Variants in PARD3B observed in about 807,000 individuals in gnomAD.
The protein encoded by PARD3B is par-3 family cell polarity regulator beta.
PARD3B carries 103 observed loss-of-function variants against 130.2 expected under a neutral mutation model. The ratio of observed to expected loss-of-function variants is 0.79; its 90% CI spans 0.67 to 0.93. The LOEUF (loss-of-function observed/expected upper bound fraction) is 0.93. PARD3B is among the 40% of genes least tolerant of loss of function. PARD3B has a pLI of 0.00. For synonymous variants in PARD3B, 583 were observed against 553.2 expected, an observed-to-expected ratio of 1.05 and a Z score of -0.76; for missense variants, 1,609 against 1,499.2, an observed-to-expected ratio of 1.07 and a Z score of -1.21.
In PARD3B at chr2:205,025,378, C is replaced by T. The variant is rs117404901; in HGVS notation, c.395-22203C>T. On this transcript the variant is annotated intron_variant, in intron 3 of 22. Coordinates refer to ENST00000406610, the MANE Select transcript of PARD3B (RefSeq NM_001302769.2). Reference sequence around the variant, plus strand: ...TCAGCCTTTCTCCTACAGATCTGACCGTGTGACACATGCACAGTGCCCTTT... The same window carrying T: ...TCAGCCTTTCTCCTACAGATCTGACTGTGTGACACATGCACAGTGCCCTTT... 3.8e-4 allele frequency among the ~76,000 whole-genome samples: 58 copies of T among 152,274 alleles called. 1 individual carries two copies. In the East Asian group the frequency reaches 6.8e-3, roughly 18 times the overall value.
chr2:204,632,131 C>T (rs1442432206), intron 1 of PARD3B, among the ~76,000 whole-genome samples: 1 of 152,094 alleles, frequency 6.6e-6, no homozygotes, highest in Non-Finnish European at 1.5e-5. Context: ...TCCTCGCAAT[C>T]ATGAGATGTC....
Position 204,675,868 on chromosome 2 carries a change from G to T in PARD3B, c.121-10313G>T, listed in dbSNP as rs2036510775. ...AGATACTGTAGAAACAAATTCCCTG[G>T]AATTGTTGGTGCTTTTATATTGCAA... On this transcript the variant is annotated intron_variant, in intron 1 of 22. Coordinates refer to ENST00000406610, the MANE Select transcript of PARD3B (RefSeq NM_001302769.2). This position sits in a 1 kb window ranked among gnomAD's most constrained non-coding sequence, Gnocchi z 4.4. Among the ~76,000 whole-genome samples, 1 of 152,110 alleles carries T rather than the reference G, an allele frequency of 6.6e-6. No individual in the cohort carries two copies. Among genetic ancestry groups the T allele is most frequent in the African/African-American group, 2.4e-5 (1 of 41,412 alleles).
Position 205,116,140 on chromosome 2 carries a change from A to G in PARD3B, c.680+2563A>G, listed in dbSNP as rs1174015110. ...CTTTCCCAGTAAAAACAAAGCAAAC[A>G]TAAAAAAAACACCAAAGTTCTTGCA... On this transcript the variant is annotated intron_variant, in intron 6 of 22. Coordinates refer to ENST00000406610, the MANE Select transcript of PARD3B (RefSeq NM_001302769.2). The surrounding 1 kb of genome is among the most constrained non-coding windows in gnomAD (Gnocchi z 4.5). Among the ~76,000 whole-genome samples the G allele has an allele frequency of 6.6e-6, 1 of 152,170 alleles. No homozygotes were observed. Among genetic ancestry groups the G allele is most frequent in the African/African-American group, 2.4e-5 (1 of 41,444 alleles).
Position 205,615,504 on chromosome 2 carries a change from G to A in PARD3B, c.3309G>A (p.Gly1103=), listed in dbSNP as rs372737843. 1.1e-5 allele frequency: 17 copies of A among 1,613,326 alleles called. No homozygotes were observed. In the African/African-American group the frequency reaches 1.1e-4, roughly 10 times the overall value. ...PVDYLPAAPR[G]LYKERELPYY... ...ACTATCTGCCAGCAGCACCTCGGGG[G>A]CTCTACAAGGAAAGGGAGCTTCCCT... The change falls in exon 23 of 23, where the codon GGG becomes GGA. Residue 1103 remains glycine (G), a synonymous_variant. Transcript: ENST00000406610.
chr2:205,560,435 A>T (rs1177642850), intron 22 of PARD3B, among the ~76,000 whole-genome samples: 3 of 150,348 alleles, frequency 2.0e-5, no homozygotes, highest in Non-Finnish European at 4.4e-5. Flanking sequence ...TAATTGCTAG[A>T]TGAACATTAA....
At chr2:205,212,948 C>G (rs1233652141) in intron 15 of PARD3B, among the ~76,000 whole-genome samples, 1 of 152,094 alleles carries the variant, frequency 6.6e-6, no homozygotes, top group Non-Finnish European at 1.5e-5. Context: ...ACAGCAATTC[C>G]ATCGCCATTT....
Position 205,300,340 on chromosome 2 carries a change from ACAGAGGCT to A in PARD3B, c.2186-184_2186-177del, listed in dbSNP as rs1296289841. Reference sequence around the variant, plus strand: ...TTTTATCACAGCTTTAGAAAAGGAAACAGAGGCTCAGAGAAGTCAAACCACTTGTTCAA... The same window carrying A: ...TTTTATCACAGCTTTAGAAAAGGAAACAGAGAAGTCAAACCACTTGTTCAA... On this transcript the variant is annotated intron_variant, in intron 16 of 22. Coordinates refer to ENST00000406610, the MANE Select transcript of PARD3B (RefSeq NM_001302769.2). This position sits in a 1 kb window ranked among gnomAD's most constrained non-coding sequence, Gnocchi z 4.1. Among the ~76,000 whole-genome samples the A allele has an allele frequency of 6.6e-6, 1 of 152,224 alleles. No individual in the cohort carries two copies. The highest frequency in any genetic ancestry group is 1.5e-5 in the Non-Finnish European group (1 of 68,044).
chr2:204,741,880 C>G (rs1293461529), intron 2 of PARD3B, among the ~76,000 whole-genome samples: 4 of 151,994 alleles, frequency 2.6e-5, no homozygotes, highest in Admixed American at 1.3e-4. Context: ...AAGGATTCAG[C>G]AAACCCCTGA....
At chr2:205,611,805 T>G (rs1166066120) in intron 22 of PARD3B, among the ~76,000 whole-genome samples, 1 of 152,210 alleles carries the variant, frequency 6.6e-6, no homozygotes, top group Non-Finnish European at 1.5e-5. Context: ...TTGAAAGTTT[T>G]TAAAGAAAAA....
chr2:205,464,848 A>G (rs1188136820), intron 20 of PARD3B, among the ~76,000 whole-genome samples: 2 of 152,036 alleles, frequency 1.3e-5, no homozygotes, highest in Admixed American at 6.6e-5. Context: ...AGTTAATCCT[A>G]TTTCCTCTTC....
chr2:205,431,469 A>G (rs181502579), intron 19 of PARD3B, among the ~76,000 whole-genome samples: 339 of 152,048 alleles, frequency 2.2e-3, no homozygotes, highest in Middle Eastern at 0.01. Context: ...AGTTTTCATT[A>G]TATCAATTTT....
In PARD3B at chr2:204,931,766, C is replaced by G. The variant is rs373782539; in HGVS notation, c.223-33386C>G. Among the ~76,000 whole-genome samples, 5 of 152,072 alleles carry G rather than the reference C, an allele frequency of 3.3e-5. No homozygotes were observed. In the East Asian group the frequency reaches 7.7e-4, roughly 23 times the overall value. ...TAAATCCTCTTTGGGCTACAAGTTA[C>G]TTTTACTTAAATCCAAACTAAGAGT... On this transcript the variant is annotated intron_variant, in intron 2 of 22. Coordinates refer to ENST00000406610, the MANE Select transcript of PARD3B (RefSeq NM_001302769.2).
At chr2:205,089,167 CT>C (rs370011164) in intron 4 of PARD3B, among the ~76,000 whole-genome samples, 1 of 120,102 alleles carries the variant, frequency 8.3e-6, no homozygotes, top group Non-Finnish European at 1.8e-5. Context: ...TTCTTTTTTT[CT>C]TTTTTTGTTT....
intron 2 of PARD3B, among the ~76,000 whole-genome samples, chr2:204,780,529 C>G (rs1042822592): frequency 2.6e-5 from 4 of 152,058 alleles, no homozygotes; most frequent in African/African-American, 9.7e-5. Flanking sequence ...CTGATTATAT[C>G]TTAAAAGGCT....
rs1236192307 is a variant in PARD3B at position 204,677,173 on chromosome 2, A to G, written c.121-9008A>G. 6.6e-6 allele frequency among the ~76,000 whole-genome samples: 1 copy of G among 152,148 alleles called. No homozygotes were observed. Among genetic ancestry groups the G allele is most frequent in the East Asian group, 1.9e-4 (1 of 5,184 alleles). On this transcript the variant is annotated intron_variant, in intron 1 of 22. Transcript: ENST00000406610. This position sits in a 1 kb window ranked among gnomAD's most constrained non-coding sequence, Gnocchi z 4.1. ...CTCATGTACTTATTTACGGAGGTCTAAGTGTTTAAGGTAAAACTTTTACAT... is the reference window on the plus strand; with the variant it reads ...CTCATGTACTTATTTACGGAGGTCTGAGTGTTTAAGGTAAAACTTTTACAT...
chr2:205,115,646 C>T (rs1055813368), intron 6 of PARD3B, among the ~76,000 whole-genome samples: 5 of 152,214 alleles, frequency 3.3e-5, no homozygotes, highest in Admixed American at 3.3e-4. Context: ...GAAGTGGAGA[C>T]ATGAGCCAAT....
intron 4 of PARD3B, among the ~76,000 whole-genome samples, chr2:205,097,830 C>CGTGT (rs71939970): frequency 1.1e-4 from 17 of 150,362 alleles, no homozygotes; most frequent in African/African-American, 3.7e-4. Context: ...AATCTAGTGG[C>CGTGT]GTGTGTGTGT....
intron 2 of PARD3B, among the ~76,000 whole-genome samples, chr2:204,794,082 T>C (rs2042287317): frequency 6.6e-6 from 1 of 152,174 alleles, no homozygotes; most frequent in Non-Finnish European, 1.5e-5. Context: ...TTACTACAGT[T>C]ACAGGTAGTT....
At chr2:205,519,524 C>T (rs1315523830) in intron 21 of PARD3B, among the ~76,000 whole-genome samples, 1 of 152,170 alleles carries the variant, frequency 6.6e-6, no homozygotes, top group Non-Finnish European at 1.5e-5. Context: ...TATTGCCATC[C>T]TACTGAATCT....
Sources: gnomAD v4.1 joint callset for allele counts (sites outside exome capture counted in the v4.1 genomes callset) on GRCh38, gnomAD v4.1.1 for gene constraint, Gnocchi (gnomAD v3.1) non-coding constraint, MANE v1.5 for transcripts, NCBI Gene and HGNC (gene_info 2026-07-23, HGNC 2026-07-21) for gene names.